Variants in CEP128 observed in about 807,000 individuals in gnomAD.
The protein encoded by CEP128 is centrosomal protein 128, also known as centrosomal protein 128kDa.
CEP128 carries 132 observed loss-of-function variants against 156.7 expected under a neutral mutation model. The observed-to-expected ratio is 0.84, with a 90% CI of 0.73 to 0.97. CEP128 has a LOEUF of 0.97. CEP128 is among the 50% of genes least tolerant of loss of function. The pLI is 0.00. For synonymous variants in CEP128, 469 were observed against 448.9 expected (o/e 1.04, Z -0.57); for missense variants, 1,252 against 1,281.9 (o/e 0.98, Z 0.36).
intron 13 of CEP128, among the ~76,000 whole-genome samples, chr14:80,812,791 C>T (rs1884634362): frequency 6.6e-6 from 1 of 152,194 alleles, no homozygotes; most frequent in African/African-American, 2.4e-5. Flanking sequence ...TCTGGAACTC[C>T]TGACCTCGTG....
At chr14:80,905,767 AAC>A in intron 5 of CEP128, 186 bp downstream of exon 5, 5 of 521,764 alleles carry the variant, frequency 9.6e-6, no homozygotes, top group South Asian at 7.9e-5. Flanking sequence ...AAAAAAAAAA[AAC>A]AATATAACAA....
intron 19 of CEP128, among the ~76,000 whole-genome samples, chr14:80,683,328 T>G (rs1254000929): frequency 6.6e-6 from 1 of 152,084 alleles, no homozygotes. Context: ...ATTCTTATAT[T>G]AGATGAAAGA....
intron 2 of CEP128, chr14:80,955,878 G>A (rs752250561): frequency 1.9e-6 from 3 of 1,613,834 alleles, no homozygotes; most frequent in Admixed American, 3.3e-5. Context: ...ATCAGGGTAG[G>A]ACCCAGAGAT....
chr14:80,879,152 C>T (rs531319653), intron 8 of CEP128, among the ~76,000 whole-genome samples: 24 of 152,192 alleles, frequency 1.6e-4, no homozygotes, highest in Admixed American at 7.2e-4. Flanking sequence ...AGCCACCACA[C>T]TCTGCCATGC....
At chr14:80,844,414 A>G (rs1886496233) in intron 9 of CEP128, among the ~76,000 whole-genome samples, 1 of 152,120 alleles carries the variant, frequency 6.6e-6, no homozygotes, top group African/African-American at 2.4e-5. Context: ...AATGCTTGAT[A>G]AAAGTCCAAA....
intron 19 of CEP128, among the ~76,000 whole-genome samples, chr14:80,597,960 A>AC (rs1175223437): frequency 6.7e-6 from 1 of 148,688 alleles, no homozygotes; most frequent in African/African-American, 2.4e-5. Flanking sequence ...CAAAAAAAAA[A>AC]AAAAAAAAAA....
intron 2 of CEP128, among the ~76,000 whole-genome samples, chr14:80,937,023 A>G (rs1885845190): frequency 6.6e-6 from 1 of 152,130 alleles, no homozygotes; most frequent in Admixed American, 6.5e-5. Context: ...TACAAGTAAA[A>G]ATAAATAATA....
chr14:80,626,202 C>A (rs553502838), intron 19 of CEP128, among the ~76,000 whole-genome samples: 1 of 151,896 alleles, frequency 6.6e-6, no homozygotes, highest in Non-Finnish European at 1.5e-5. Context: ...CGGTGGCTCA[C>A]GCCTGTAATC....
At chr14:80,519,348 T>C (rs1266507640) in intron 23 of CEP128, among the ~76,000 whole-genome samples, 2 of 152,220 alleles carry the variant, frequency 1.3e-5, no homozygotes, top group Admixed American at 1.3e-4. Flanking sequence ...TGATCTCTAA[T>C]GATGAATATT....
chr14:80,708,473 AT>A (rs957032147), intron 19 of CEP128, among the ~76,000 whole-genome samples: 47 of 151,140 alleles, frequency 3.1e-4, no homozygotes, highest in Non-Finnish European at 4.1e-4. Flanking sequence ...TACTGTTTCC[AT>A]TTTTTTTCGA....
Position 80,779,653 on chromosome 14 carries a change from A to G in CEP128, c.2212-1607T>C, listed in dbSNP as rs139595000. Among the ~76,000 whole-genome samples the G allele has an allele frequency of 3.3e-5, 5 of 152,316 alleles. No homozygotes were observed. The East Asian group carries it at 9.7e-4, about 29-fold the overall frequency. On this transcript the variant is annotated intron_variant, in intron 15 of 24. Coordinates refer to ENST00000555265, the MANE Select transcript of CEP128 (RefSeq NM_152446.5). ...ATGATGTCTCATTTGATAGCTTGAA[A>G]TCAGCCAAGAAAGGGGTATTCAGAA... is the stretch of plus-strand genomic sequence containing the variant.
chr14:80,637,777 G>A (rs1421465875), intron 19 of CEP128, among the ~76,000 whole-genome samples: 1 of 152,072 alleles, frequency 6.6e-6, no homozygotes, highest in Non-Finnish European at 1.5e-5. Flanking sequence ...TTATCCAGTT[G>A]GGCACCATAT....
rs924653937 is a variant in CEP128 at position 80,804,069 on chromosome 14, T to C, written c.1210-10959A>G. 2.0e-5 allele frequency among the ~76,000 whole-genome samples: 3 copies of C among 152,128 alleles called. No individual in the cohort carries two copies. In the East Asian group the frequency reaches 5.8e-4, roughly 29 times the overall value. ...AATAAACATGTGTACTGCAAAATTATGTGGATGTTTACATTATACTCATTT... is the reference window on the plus strand; with the variant it reads ...AATAAACATGTGTACTGCAAAATTACGTGGATGTTTACATTATACTCATTT... On this transcript the variant is annotated intron_variant, in intron 13 of 24. Transcript: ENST00000555265.
chr14:80,756,779 A>G, intron 18 of CEP128, 113 bp downstream of exon 18: 1 of 678,984 alleles, frequency 1.5e-6, no homozygotes, highest in Non-Finnish European at 2.6e-6. Flanking sequence ...CCCTGCAATT[A>G]AGCATTATAG....
chr14:80,787,946 T>G lies in CEP128; in HGVS notation c.1561-2401A>C, dbSNP rs1901498868. On this transcript the variant is annotated intron_variant, in intron 14 of 24. Transcript: ENST00000555265. ...AGCTCAGGCTCTGCTACTCTATAAC[T>G]CTCCATCTTTTGCTGTCTTTGCAGT... Among the ~76,000 whole-genome samples the G allele has an allele frequency of 3.3e-5, 5 of 152,142 alleles. No homozygotes were observed. The South Asian group carries it at 1.0e-3, about 32-fold the overall frequency.
intron 19 of CEP128, among the ~76,000 whole-genome samples, chr14:80,693,658 T>C (rs1485187433): frequency 6.6e-6 from 1 of 152,186 alleles, no homozygotes; most frequent in Admixed American, 6.5e-5. Context: ...TACTAAGTTA[T>C]CTAAAAATAA....
At chr14:80,648,330 G>C (rs925867397) in intron 19 of CEP128, among the ~76,000 whole-genome samples, 2 of 152,072 alleles carry the variant, frequency 1.3e-5, no homozygotes, top group African/African-American at 4.8e-5. Context: ...CAAGTGGCTT[G>C]ACAGATATTT....
rs141390914 is a variant in CEP128 at position 80,853,360 on chromosome 14, G to T, written c.762+9397C>A. On this transcript the variant is annotated intron_variant, in intron 9 of 24. Transcript: ENST00000555265. ...GACTAAATTGCCTTTAATTTCAAAT[G>T]ATATGATTATCTATACACTAAGATA... is the stretch of plus-strand genomic sequence containing the variant. Among the ~76,000 whole-genome samples, 713 of 151,678 alleles carry T rather than the reference G, an allele frequency of 4.7e-3. 9 individuals are homozygous for T. Among genetic ancestry groups the T allele is most frequent in the African/African-American group, 0.017 (686 of 41,456 alleles).
Position 80,831,310 on chromosome 14 carries a change from G to T in CEP128, c.1058-16C>A, listed in dbSNP as rs769736296. The T allele has an allele frequency of 6.2e-7, 1 of 1,613,384 alleles. No homozygotes were observed. Among genetic ancestry groups the T allele is most frequent in the South Asian group, 1.1e-5 (1 of 91,026 alleles). On this transcript the variant is annotated splice_polypyrimidine_tract_variant and intron_variant, in intron 12 of 24. Transcript: ENST00000555265. The stretch of plus-strand genomic sequence containing the variant: ...CGCTCAACCCCTTAAAAGATAAAAT[G>T]TAAGGCTCAAGGGTTGTTCTTTATT...
Sources: gnomAD v4.1 joint callset for allele counts (sites outside exome capture counted in the v4.1 genomes callset) on GRCh38, gnomAD v4.1.1 for gene constraint, MANE v1.5 for transcripts, NCBI Gene and HGNC (gene_info 2026-07-23, HGNC 2026-07-21) for gene names.